CSMD1: variants seen among roughly 807,000 people sequenced by gnomAD.
The protein encoded by CSMD1 is CUB and sushi domain-containing protein 1.
Under a neutral mutation model 417.5 loss-of-function variants are expected in CSMD1, and 213 were observed. The observed-to-expected ratio is 0.51, with a 90% confidence interval of 0.46 to 0.57. CSMD1 has a LOEUF of 0.57. CSMD1 is among the 20% of genes least tolerant of loss of function. The pLI is 0.00. For missense variants in CSMD1, 6,923 were observed against 4,529.7 expected (o/e 1.53, Z -15.17); for synonymous variants, 2,862 against 1,736.8 (o/e 1.65, Z -16.11).
intron 3 of CSMD1, among the ~76,000 whole-genome samples, chr8:4,349,953 A>C (rs1177190918): frequency 6.6e-6 from 1 of 152,116 alleles, no homozygotes; most frequent in African/African-American, 2.4e-5. Flanking sequence ...TAACAAAACA[A>C]ATGTATGCTG....
At chr8:4,741,368 A>G (rs1810594600) in intron 1 of CSMD1, among the ~76,000 whole-genome samples, 1 of 152,236 alleles carries the variant, frequency 6.6e-6, no homozygotes, top group Non-Finnish European at 1.5e-5. Context: ...AATTCAGCAT[A>G]TTGAAAGGAC....
intron 18 of CSMD1, among the ~76,000 whole-genome samples, chr8:3,379,884 C>T (rs1810527897): frequency 2.0e-5 from 3 of 152,104 alleles, no homozygotes; most frequent in Admixed American, 2.0e-4. Flanking sequence ...GCAACAGAAT[C>T]CAAAATAGAC....
intron 1 of CSMD1, among the ~76,000 whole-genome samples, chr8:4,891,128 G>C (rs1313986603): frequency 1.3e-5 from 2 of 152,170 alleles, no homozygotes; most frequent in Non-Finnish European, 1.5e-5. Context: ...AGCAGAGGCT[G>C]ATGCCACGGT....
At chr8:4,067,805 A>C (rs13256191) in intron 3 of CSMD1, among the ~76,000 whole-genome samples, 1 of 152,186 alleles carries the variant, frequency 6.6e-6, no homozygotes, top group Non-Finnish European at 1.5e-5. Context: ...GGGGCCAGAT[A>C]CAGTGGCTCA....
chr8:4,934,139 G>A (rs578070093), intron 1 of CSMD1, among the ~76,000 whole-genome samples: 1 of 152,134 alleles, frequency 6.6e-6, no homozygotes, highest in Admixed American at 6.6e-5. Flanking sequence ...GGAACTCCTG[G>A]CCCAGTGACT....
chr8:3,003,075 C>G (rs571495102), intron 52 of CSMD1, among the ~76,000 whole-genome samples: 1 of 152,266 alleles, frequency 6.6e-6, no homozygotes, highest in Admixed American at 6.5e-5. Flanking sequence ...CACTTTCCAG[C>G]CATCCGTTAA....
At chr8:4,544,465 C>A (rs564310839) in intron 2 of CSMD1, among the ~76,000 whole-genome samples, 42 of 151,996 alleles carry the variant, frequency 2.8e-4, no homozygotes, top group Admixed American at 1.8e-3. Flanking sequence ...TTCCTTGTAA[C>A]GTTACATAAA....
At chr8:4,067,861 G>A (rs1409705453) in intron 3 of CSMD1, among the ~76,000 whole-genome samples, 2 of 152,134 alleles carry the variant, frequency 1.3e-5, no homozygotes, top group Admixed American at 6.5e-5. Flanking sequence ...GGCGGATCAT[G>A]AGGTCAAGAG....
At position 3,790,770 on chromosome 8, in the gene CSMD1, G is replaced by A. The variant is rs144066766; in HGVS notation, c.819-36728C>T. 4.4e-4 allele frequency among the ~76,000 whole-genome samples: 67 copies of A among 152,264 alleles called. No individual in the cohort carries two copies. The East Asian group carries it at 0.01, about 23-fold the overall frequency. On this transcript the variant is annotated intron_variant, in intron 5 of 69. Transcript: ENST00000635120. ...AACGACCTTCAGAAATAACTGCTGA[G>A]TATAGTGAGTTTGGGGTTTTTGCAA... is the stretch of plus-strand genomic sequence containing the variant.
intron 1 of CSMD1, among the ~76,000 whole-genome samples, chr8:4,938,308 G>C (rs1644313745): frequency 1.3e-5 from 2 of 152,156 alleles, no homozygotes; most frequent in African/African-American, 2.4e-5. Context: ...GACAGGAAAA[G>C]TTTAACTGCA....
chr8:3,124,882 T>C lies in CSMD1; in HGVS notation c.6242-6295A>G, dbSNP rs535223564. On this transcript the variant is annotated intron_variant, in intron 41 of 69. Transcript: ENST00000635120. ...TCAGAATTATCTCAAGAATTTAAAA[T>C]GCCAATTAGTTTCTTTTTCTATTGT... Among the ~76,000 whole-genome samples the C allele has an allele frequency of 2.3e-3, 347 of 152,344 alleles. 1 individual carries two copies. The highest frequency in any genetic ancestry group is 2.2e-3 in the Non-Finnish European group (151 of 68,036).
chr8:4,165,384 G>C (rs1797396457), intron 3 of CSMD1, among the ~76,000 whole-genome samples: 1 of 152,202 alleles, frequency 6.6e-6, no homozygotes, highest in South Asian at 2.1e-4. Flanking sequence ...CTTACTAAAA[G>C]ATGTGCCATT....
chr8:4,602,306 C>T (rs2130767500), intron 2 of CSMD1, among the ~76,000 whole-genome samples: 1 of 152,246 alleles, frequency 6.6e-6, no homozygotes, highest in Non-Finnish European at 1.5e-5. Flanking sequence ...ACAAATAAGG[C>T]ACTTCAGAGG....
At chr8:4,157,041 A>T (rs1333302144) in intron 3 of CSMD1, among the ~76,000 whole-genome samples, 2 of 152,182 alleles carry the variant, frequency 1.3e-5, no homozygotes, top group Non-Finnish European at 2.9e-5. Flanking sequence ...TGTTATGCAC[A>T]CAAGGAGCCT....
intron 1 of CSMD1, among the ~76,000 whole-genome samples, chr8:4,670,549 G>A (rs1051011234): frequency 2.6e-5 from 4 of 152,136 alleles, no homozygotes; most frequent in Non-Finnish European, 5.9e-5. Flanking sequence ...CTTATATTCT[G>A]ATCGTTACCC....
intron 7 of CSMD1, among the ~76,000 whole-genome samples, chr8:3,642,362 C>G (rs996848054): frequency 6.6e-6 from 1 of 152,104 alleles, no homozygotes; most frequent in Admixed American, 6.5e-5. Context: ...GAAGAAATCA[C>G]CGCAAAGAAT....
At chr8:3,736,986 T>C (rs1349469514) in intron 6 of CSMD1, among the ~76,000 whole-genome samples, 1 of 152,202 alleles carries the variant, frequency 6.6e-6, no homozygotes, top group Non-Finnish European at 1.5e-5. Context: ...CCTCCCAGGA[T>C]CTGATACACA....
At chr8:3,166,399 T>C (rs542239875) in intron 37 of CSMD1, among the ~76,000 whole-genome samples, 1 of 152,118 alleles carries the variant, frequency 6.6e-6, no homozygotes, top group African/African-American at 2.4e-5. Flanking sequence ...CCGGGCGTGG[T>C]GGTGTGCACC....
chr8:4,350,799 T>C (rs67897933), intron 3 of CSMD1, among the ~76,000 whole-genome samples: 18,657 of 152,178 alleles, frequency 0.12, 1,603 homozygotes, highest in African/African-American at 0.23. Flanking sequence ...TCCCAGCATC[T>C]AGTTACTTTA....
Sources: gnomAD v4.1 joint callset for allele counts (sites outside exome capture counted in the v4.1 genomes callset) on GRCh38, gnomAD v4.1.1 for gene constraint, MANE v1.5 for transcripts, NCBI Gene and HGNC (gene_info 2026-07-23, HGNC 2026-07-21) for gene names.